WNK1: variants seen among roughly 807,000 people sequenced by gnomAD.
WNK1 encodes the protein WNK lysine deficient protein kinase 1.
WNK1 carries 38 observed loss-of-function variants against 222.8 expected under a neutral mutation model. The observed-to-expected ratio is 0.17, with a 90% CI of 0.13 to 0.22. The LOEUF is 0.22. WNK1 is among the 10% of genes least tolerant of loss of function. The probability of loss-of-function intolerance (pLI) is 1.00; values close to 1 mark genes in which losing one functional copy is unlikely to be tolerated. For missense variants in WNK1, 2,348 were observed against 2,918.4 expected (o/e 0.80, Z 4.50); for synonymous variants, 1,090 against 1,092.9 (o/e 1.00, Z 0.05).
intron 8 of WNK1, among the ~76,000 whole-genome samples, chr12:863,355 T>TA (rs1565538997): frequency 6.6e-6 from 1 of 152,098 alleles, no homozygotes; most frequent in African/African-American, 2.4e-5. Flanking sequence ...GTAACACAAA[T>TA]AAAAAACTAA....
At chr12:877,869 A>G (rs1447589808) in intron 9 of WNK1, 1 of 336,316 alleles carries the variant, frequency 3.0e-6, no homozygotes, top group African/African-American at 2.1e-5. Flanking sequence ...GAGATAGGGA[A>G]AAGGGAATGG....
intron 15 of WNK1, among the ~76,000 whole-genome samples, 167 bp downstream of exon 15, chr12:883,226 G>A (rs570937438): frequency 1.3e-5 from 2 of 152,168 alleles, no homozygotes; most frequent in Non-Finnish European, 2.9e-5. Flanking sequence ...TGATGTTTTT[G>A]TCTAGGCTAT....
chr12:802,232 C>T (rs572779266), intron 1 of WNK1, among the ~76,000 whole-genome samples: 74 of 152,166 alleles, frequency 4.9e-4, no homozygotes, highest in East Asian at 1.5e-3. Context: ...TAATTAGTTA[C>T]GAGGATGCTA....
chr12:855,389 G>A (rs892750713), intron 4 of WNK1, among the ~76,000 whole-genome samples: 1 of 152,138 alleles, frequency 6.6e-6, no homozygotes, highest in African/African-American at 2.4e-5. Context: ...TCCAAATTGG[G>A]TCTTCGGAAT....
Position 763,350 on chromosome 12 carries a change from G to A in WNK1, c.759+9026G>A, listed in dbSNP as rs1410861584. Among the ~76,000 whole-genome samples, 11 of 146,994 alleles carry A rather than the reference G, an allele frequency of 7.5e-5. 1 individual carries two copies. The highest frequency in any genetic ancestry group is 3.3e-3 in the Middle Eastern group (1 of 300). On this transcript the variant is annotated intron_variant, in intron 1 of 27. Coordinates refer to ENST00000315939, the MANE Select transcript of WNK1 (RefSeq NM_018979.4). ...TGTAATCCCAACACTTTGGGAGGCC[G>A]AGGTTAGTGGATAACCTGAGGTCAG...
intron 1 of WNK1, among the ~76,000 whole-genome samples, chr12:763,673 G>A (rs1340491211): frequency 6.8e-6 from 1 of 147,576 alleles, no homozygotes; most frequent in East Asian, 1.9e-4. Flanking sequence ...GAAGCCTCAA[G>A]TAAGGGAGGG....
At chr12:886,314 G>T (rs1953646829) in intron 19 of WNK1, among the ~76,000 whole-genome samples, 1 of 152,068 alleles carries the variant, frequency 6.6e-6, no homozygotes, top group African/African-American at 2.4e-5. Flanking sequence ...AGTTTTCCAA[G>T]ATGGTATAAT....
chr12:866,579 C>G (rs1475058340), intron 8 of WNK1, among the ~76,000 whole-genome samples: 1 of 152,060 alleles, frequency 6.6e-6, no homozygotes, highest in Non-Finnish European at 1.5e-5. Flanking sequence ...CCAGGATGGT[C>G]TTGATCTCCT....
chr12:806,187 T>C (rs1372952991), intron 1 of WNK1, among the ~76,000 whole-genome samples: 2 of 152,240 alleles, frequency 1.3e-5, no homozygotes, highest in Admixed American at 1.3e-4. Flanking sequence ...GGAAAGATGG[T>C]GTTTTCATTT....
Position 882,993 on chromosome 12 carries a change from T to C in WNK1, c.3423T>C (p.Asn1141=), listed in dbSNP as rs766385868. 1 of 1,613,910 alleles carries C rather than the reference T, an allele frequency of 6.2e-7. No homozygotes were observed. The highest frequency in any genetic ancestry group is 2.2e-5 in the East Asian group (1 of 44,838). ...TAGAATGTCAATTAGAGACTCATAATAGGAAAATGGTTACATTCAAATTTG... is the reference window on the plus strand; with the variant it reads ...TAGAATGTCAATTAGAGACTCATAACAGGAAAATGGTTACATTCAAATTTG... ...RVVECQLETH[N]RKMVTFKFDL... The change falls in exon 15 of 28, where the codon AAT becomes AAC. Residue 1141 remains asparagine, a synonymous_variant. Coordinates refer to ENST00000315939, the MANE Select transcript of WNK1 (RefSeq NM_018979.4).
chr12:826,858 GAA>G (rs1391166123), intron 2 of WNK1, among the ~76,000 whole-genome samples, 182 bp from the exon 3 acceptor site: 2 of 152,094 alleles, frequency 1.3e-5, no homozygotes, highest in Non-Finnish European at 2.9e-5. Context: ...TCTCTTAATA[GAA>G]TTTTTATTTT....
chr12:908,861 G>GGGGGGGGGGGGGC lies in WNK1; in HGVS notation c.*69_*70insGGGGGGGGGGGGC. On this transcript the variant is annotated 3_prime_UTR_variant, in exon 28 of 28. Coordinates refer to ENST00000315939, the MANE Select transcript of WNK1 (RefSeq NM_018979.4). ...ATGCTGAGGGGGTGGGTGGGGGTGG[G>GGGGGGGGGGGGGC]AAGTAGCCTATATACTAACTACTAG... 1.4e-5 allele frequency: 7 copies of GGGGGGGGGGGGGC among 491,844 alleles called. No individual in the cohort carries two copies. The highest frequency in any genetic ancestry group is 6.1e-5 in the African/African-American group (3 of 49,012). 30.5% of individuals were successfully genotyped at this position (491,844 alleles called of 1,614,324 possible).
chr12:874,850 A>T (rs1027731062), intron 9 of WNK1, among the ~76,000 whole-genome samples: 1 of 152,134 alleles, frequency 6.6e-6, no homozygotes, highest in African/African-American at 2.4e-5. Context: ...AAATAATCTA[A>T]TTCCACAGCT....
At chr12:830,598 A>G (rs944131458) in intron 4 of WNK1, among the ~76,000 whole-genome samples, 1 of 152,240 alleles carries the variant, frequency 6.6e-6, no homozygotes, top group Non-Finnish European at 1.5e-5. Context: ...AGTACCTACC[A>G]TATTTAAGGC....
intron 26 of WNK1, chr12:901,714 C>T (rs1026749806): frequency 5.2e-6 from 5 of 960,620 alleles, no homozygotes; most frequent in South Asian, 2.8e-5. Context: ...TCTGATGTTT[C>T]ACGCAGTCCA....
At chr12:864,722 A>G (rs1951496316) in intron 8 of WNK1, among the ~76,000 whole-genome samples, 1 of 152,154 alleles carries the variant, frequency 6.6e-6, no homozygotes, top group African/African-American at 2.4e-5. Flanking sequence ...AATAGAATTC[A>G]TTCTTGTTGA....
At chr12:816,684 A>G (rs1947369177) in intron 2 of WNK1, among the ~76,000 whole-genome samples, 1 of 152,180 alleles carries the variant, frequency 6.6e-6, no homozygotes, top group Admixed American at 6.5e-5. Context: ...AACATACATG[A>G]TAATTGATCA....
At chr12:782,919 A>G (rs1591674674) in intron 1 of WNK1, among the ~76,000 whole-genome samples, 1 of 150,860 alleles carries the variant, frequency 6.6e-6, no homozygotes, top group East Asian at 1.9e-4. Context: ...TTTTTCTGAG[A>G]CAGGGTCTTG....
chr12:865,352 C>G (rs1219338123), intron 8 of WNK1: 1 of 1,536,004 alleles, frequency 6.5e-7, no homozygotes, highest in East Asian at 2.4e-5. Context: ...TGCCTTCCCT[C>G]TTTGTCAGTA....
Sources: allele counts gnomAD v4.1 joint callset (sites outside exome capture counted in the v4.1 genomes callset), GRCh38; gene constraint gnomAD v4.1.1; transcripts MANE v1.5; gene names NCBI Gene and HGNC (gene_info 2026-07-23, HGNC 2026-07-21).